The following GAB3 variants were observed in gnomAD, a reference collection of about 807,000 sequenced individuals.
GAB3 encodes the protein GRB2 associated binding protein 3, also known as GRB2-associated-binding protein 3.
Under a neutral mutation model 40.4 loss-of-function variants are expected in GAB3, and 12 were observed. The ratio of observed to expected loss-of-function variants is 0.30; its 90% CI spans 0.19 to 0.48. The LOEUF is 0.48. Among genes scored for constraint, GAB3 ranks in the 20% least tolerant of loss-of-function variants. GAB3 has a pLI of 0.99. For missense variants in GAB3, 381 were observed against 461.9 expected, an observed-to-expected ratio of 0.82 and a Z score of 1.61; for synonymous variants, 154 against 176.7, an observed-to-expected ratio of 0.87 and a Z score of 1.02.
chrX:154,713,453 G>A lies in GAB3; in HGVS notation c.377-27C>T. On this transcript the variant is annotated intron_variant, in intron 2 of 9. Coordinates refer to ENST00000424127, the MANE Select transcript of GAB3 (RefSeq NM_001081573.3). ...TGGAGAAATCATTTCCCAGGTTAAT[G>A]TTTAAGAATGGCTATAACACGCACT... 6.1e-6 allele frequency: 7 copies of A among 1,140,790 alleles called. No homozygotes were observed. In the South Asian group the frequency reaches 1.3e-4, roughly 21 times the overall value. 94.0% of individuals were successfully genotyped at this position (1,140,790 alleles called of 1,213,427 possible). A position where few individuals can be genotyped will look rare whatever the true frequency, so the allele number is the denominator to read the frequency against.
chrX:154,699,618 G>A (rs954144967), intron 5 of GAB3, 105 bp from the exon 6 acceptor site: 6 of 641,631 alleles, frequency 9.4e-6, no homozygotes, highest in Non-Finnish European at 1.2e-5. Flanking sequence ...AATTATCCAA[G>A]TATAACTCTG....
chrX:154,708,783 TATGGAAAACAGTATGGAG>T (rs2070859039), intron 4 of GAB3, among the ~76,000 whole-genome samples: 1 of 111,890 alleles, frequency 8.9e-6, no homozygotes, highest in East Asian at 2.8e-4. Flanking sequence ...GTATAGCCAT[TATGGAAAACAGTATGGAG>T]GTTCCTCAGA....
At chrX:154,701,282 T>G (rs930993780) in intron 4 of GAB3, among the ~76,000 whole-genome samples, 1 of 112,414 alleles carries the variant, frequency 8.9e-6, no homozygotes, top group Non-Finnish European at 1.9e-5. Flanking sequence ...TAATTTCTCA[T>G]TGTGGGACTT....
intron 2 of GAB3, 54 bp downstream of exon 2, chrX:154,715,972 C>A: frequency 1.8e-6 from 2 of 1,089,820 alleles, no homozygotes; most frequent in Non-Finnish European, 2.5e-6. Context: ...TCTGCAGTAA[C>A]CCTCCAGTCC....
In GAB3 at chrX:154,680,187, C is replaced by T; in HGVS notation, c.1592G>A (p.Ser531Asn). ...GAAGTCCAGGGCCAAATAATCTAGG[C>T]TGAATTTCTTTGTCCACGTAAGGGC... ...SGALTWTKKFSLDYLALDFNS... is the reference protein window; with the variant it reads ...SGALTWTKKFNLDYLALDFNS... The change falls in exon 9 of 10, where the codon AGC becomes AAC. Residue 531 changes from serine to asparagine, a missense_variant. Ser to Asn is a conservative substitution (Grantham distance 46). This residue lies in a region of GAB3 where 17 missense variants were observed against 40.9 expected (regional missense o/e 0.42). Transcript: ENST00000424127. 1 of 1,210,210 alleles carries T rather than the reference C, an allele frequency of 8.3e-7. No homozygotes were observed. Among genetic ancestry groups the T allele is most frequent in the Non-Finnish European group, 1.1e-6 (1 of 894,641 alleles).
chrX:154,744,211 TCAAAAAAAAA>T (rs2071490489), intron 1 of GAB3, among the ~76,000 whole-genome samples: 1 of 9,628 alleles, frequency 1.0e-4, no homozygotes, highest in African/African-American at 4.6e-4. Flanking sequence ...AGATTCCATC[TCAAAAAAAAA>T]AAAAAAAAAA....
At chrX:154,690,626 G>T (rs187416122) in intron 8 of GAB3, among the ~76,000 whole-genome samples, 1 of 111,932 alleles carries the variant, frequency 8.9e-6, no homozygotes, top group Admixed American at 9.4e-5. Flanking sequence ...CAGACACTTC[G>T]CAAAAGAAGA....
chrX:154,692,876 G>T (rs2070594745), intron 8 of GAB3, among the ~76,000 whole-genome samples: 1 of 112,442 alleles, frequency 8.9e-6, no homozygotes, highest in Non-Finnish European at 1.9e-5. Flanking sequence ...AAATGGTGCA[G>T]TCACTGTGGA....
chrX:154,746,411 G>A (rs1182201237), intron 1 of GAB3, among the ~76,000 whole-genome samples: 1 of 112,056 alleles, frequency 8.9e-6, no homozygotes, highest in Non-Finnish European at 1.9e-5. Flanking sequence ...TATCCCATAA[G>A]TTCGAGGTTG....
At chrX:154,725,906 G>C (rs1307099463) in intron 1 of GAB3, among the ~76,000 whole-genome samples, 1 of 111,291 alleles carries the variant, frequency 9.0e-6, no homozygotes, top group Non-Finnish European at 1.9e-5. Flanking sequence ...CTCTAGACTT[G>C]CCCTAAGAAA....
At chrX:154,710,264 G>A (rs187884146) in intron 4 of GAB3, among the ~76,000 whole-genome samples, 8 of 111,731 alleles carry the variant, frequency 7.2e-5, no homozygotes, top group East Asian at 5.6e-4. Context: ...TCTACAGATC[G>A]GATGCAATCC....
At chrX:154,750,405 G>A (rs1358546808) in intron 1 of GAB3, among the ~76,000 whole-genome samples, 2 of 112,373 alleles carry the variant, frequency 1.8e-5, no homozygotes, top group African/African-American at 6.5e-5. Flanking sequence ...GCATTAAGAA[G>A]AAGCTGAAAG....
chrX:154,696,749 A>G (rs1204937901), intron 7 of GAB3, among the ~76,000 whole-genome samples: 1 of 112,569 alleles, frequency 8.9e-6, no homozygotes, highest in Admixed American at 9.4e-5. Flanking sequence ...TTGGCACTGA[A>G]AAAGAGCCCA....
At position 154,677,601 on chromosome X, in the gene GAB3, T is replaced by C. The variant is rs1268752313; in HGVS notation, c.*577A>G. 3 of 112,709 alleles carry C rather than the reference T, an allele frequency of 2.7e-5. No homozygotes were observed. Among genetic ancestry groups the C allele is most frequent in the Admixed American group, 9.4e-5 (1 of 10,638 alleles). The allele number at this position is 112,709 out of a possible 1,213,427, so 9.3% of individuals were successfully genotyped here. On this transcript the variant is annotated 3_prime_UTR_variant, in exon 10 of 10. Transcript: ENST00000424127. ...TACCTGGCTACAGGTAGCTGCTTAA[T>C]TGCAATATCCTTAGAGCCACCAGTG...
At chrX:154,682,532 T>C (rs1353149835) in intron 8 of GAB3, among the ~76,000 whole-genome samples, 1 of 111,834 alleles carries the variant, frequency 8.9e-6, no homozygotes, top group Non-Finnish European at 1.9e-5. Flanking sequence ...AGATGTTGAG[T>C]TCTATCAAAT....
chrX:154,712,464 T>C lies in GAB3; in HGVS notation c.834A>G (p.Glu278=). The C allele has an allele frequency of 8.3e-7, 1 of 1,210,936 alleles. No homozygotes were observed. Among genetic ancestry groups the C allele is most frequent in the African/African-American group, 1.7e-5 (1 of 57,698 alleles). Residue 278 remains glutamate (E), a synonymous_variant, in exon 4 of 10, where the codon GAA becomes GAG. Coordinates refer to ENST00000424127, the MANE Select transcript of GAB3 (RefSeq NM_001081573.3). The stretch of plus-strand genomic sequence containing the variant: ...CCTGAATGGTGGAACTTAAGGAACT[T>C]TCCAGCAATGGTGAAGAAGACAAGT... ...RDHLSSSPLL[E]SSLSSTIQVD... is the part of the protein sequence containing the mutation.
chrX:154,694,634 C>T (rs933407707), intron 8 of GAB3, among the ~76,000 whole-genome samples: 11 of 111,619 alleles, frequency 9.9e-5, no homozygotes, highest in Admixed American at 2.8e-4. Context: ...ACCTTGTGAT[C>T]CGCCCGCCTC....
intron 8 of GAB3, among the ~76,000 whole-genome samples, chrX:154,691,037 G>A (rs1274797405): frequency 9.0e-6 from 1 of 110,952 alleles, no homozygotes; most frequent in Non-Finnish European, 1.9e-5. Flanking sequence ...AACAATGACA[G>A]ACTGGATTAA....
intron 8 of GAB3, among the ~76,000 whole-genome samples, chrX:154,689,729 A>G (rs1405348965): frequency 9.1e-6 from 1 of 110,400 alleles, no homozygotes; most frequent in East Asian, 2.8e-4. Flanking sequence ...GGACCTCTTC[A>G]GGGAGAACTA....
Sources: allele counts gnomAD v4.1 joint callset (sites outside exome capture counted in the v4.1 genomes callset), GRCh38; gene constraint gnomAD v4.1.1; regional missense constraint gnomAD v4.1.1; transcripts MANE v1.5; gene names NCBI Gene and HGNC (gene_info 2026-07-23, HGNC 2026-07-21).